Variants in IGSF11 observed in about 807,000 individuals in gnomAD.
IGSF11 encodes immunoglobulin superfamily member 11.
A neutral mutation model predicts 41.0 loss-of-function variants in IGSF11; 22 were observed. That is an observed-to-expected ratio of 0.54 (90% CI 0.38 to 0.77). The LOEUF (loss-of-function observed/expected upper bound fraction) is 0.77, where lower values mean the gene tolerates loss of function less well. Ranked by LOEUF, IGSF11 falls within the 30% of genes least tolerant of loss-of-function variation. The pLI is 0.00. For missense variants in IGSF11, 444 were observed against 530.8 expected (o/e 0.84, Z 1.61); for synonymous variants, 219 against 201.3 (o/e 1.09, Z -0.74).
At chr3:119,048,254 G>C (rs988676529) in intron 1 of IGSF11, among the ~76,000 whole-genome samples, 8 of 151,754 alleles carry the variant, frequency 5.3e-5, no homozygotes, top group Admixed American at 5.3e-4. Context: ...CCGCTAGCAA[G>C]ACAAATAAAG....
chr3:118,983,255 A>G (rs774376990), intron 1 of IGSF11: 1 of 152,204 alleles, frequency 6.6e-6, no homozygotes, highest in African/African-American at 2.4e-5. Flanking sequence ...CCCAAGAGAT[A>G]GGTATTATTA....
At chr3:119,081,883 T>C (rs571322876) in intron 1 of IGSF11, among the ~76,000 whole-genome samples, 1 of 152,272 alleles carries the variant, frequency 6.6e-6, no homozygotes, top group East Asian at 1.9e-4. Flanking sequence ...AAGAAACACT[T>C]CTTGGCCTGT....
intron 1 of IGSF11, among the ~76,000 whole-genome samples, chr3:118,974,725 T>C (rs561377238): frequency 2.0e-5 from 3 of 152,300 alleles, no homozygotes; most frequent in African/African-American, 7.2e-5. Context: ...CTTCTTAGCG[T>C]TGAAAATCTG....
chr3:119,043,350 T>C (rs1162133606), intron 1 of IGSF11, among the ~76,000 whole-genome samples: 1 of 152,166 alleles, frequency 6.6e-6, no homozygotes, highest in Non-Finnish European at 1.5e-5. Flanking sequence ...GTGAGCTCTC[T>C]TTACTACCTG....
chr3:119,003,917 A>T (rs1414677431), intron 1 of IGSF11, among the ~76,000 whole-genome samples: 1 of 148,570 alleles, frequency 6.7e-6, no homozygotes, highest in Non-Finnish European at 1.5e-5. Flanking sequence ...TATTGGTCTA[A>T]TATTCTCTTT....
intron 1 of IGSF11, among the ~76,000 whole-genome samples, chr3:119,019,983 A>G (rs1189328082): frequency 1.3e-5 from 2 of 152,172 alleles, no homozygotes; most frequent in African/African-American, 4.8e-5. Flanking sequence ...ATTATAAAAG[A>G]AGCCCCAGGG....
upstream of IGSF11, among the ~76,000 whole-genome samples, chr3:119,106,198 G>A (rs2077019756): frequency 6.6e-6 from 1 of 152,128 alleles, no homozygotes; most frequent in African/African-American, 2.4e-5. Context: ...TTTATCCTTT[G>A]TGTTTCAAAC....
intron 1 of IGSF11, among the ~76,000 whole-genome samples, chr3:119,059,421 G>A (rs748241056): frequency 2.0e-5 from 3 of 152,062 alleles, no homozygotes; most frequent in Non-Finnish European, 4.4e-5. Context: ...GAAGGGTGGA[G>A]GGTGGTGATT....
chr3:118,992,928 A>C (rs1935923921), intron 1 of IGSF11, among the ~76,000 whole-genome samples: 1 of 152,194 alleles, frequency 6.6e-6, no homozygotes, highest in African/African-American at 2.4e-5. Context: ...CTTAAAATTC[A>C]GCAACAAAAA....
intron 1 of IGSF11, among the ~76,000 whole-genome samples, chr3:118,992,263 A>G (rs1935860903): frequency 6.6e-6 from 1 of 152,242 alleles, no homozygotes; most frequent in Non-Finnish European, 1.5e-5. Flanking sequence ...AAACTCACGT[A>G]GCAGACATAA....
At chr3:118,933,828 C>T (rs944322902) in intron 1 of IGSF11, among the ~76,000 whole-genome samples, 25 of 152,276 alleles carry the variant, frequency 1.6e-4, no homozygotes, top group African/African-American at 6.0e-4. Flanking sequence ...CTTCCTGCTT[C>T]TCAATCTGCG....
At chr3:119,041,615 A>C (rs1489074107) in intron 1 of IGSF11, among the ~76,000 whole-genome samples, 1 of 152,188 alleles carries the variant, frequency 6.6e-6, no homozygotes, top group Non-Finnish European at 1.5e-5. Context: ...ATAAAAAAGG[A>C]GACATTACTA....
chr3:119,047,556 T>A (rs189704697), intron 1 of IGSF11, among the ~76,000 whole-genome samples: 1 of 152,308 alleles, frequency 6.6e-6, no homozygotes, highest in Admixed American at 6.5e-5. Flanking sequence ...TGGGAGAATT[T>A]AACATCACAC....
intron 1 of IGSF11, among the ~76,000 whole-genome samples, chr3:119,135,168 T>C (rs1412215454): frequency 6.6e-6 from 1 of 152,104 alleles, no homozygotes; most frequent in East Asian, 1.9e-4. Context: ...ACTTCATGGC[T>C]AAAACACCAA....
At chr3:119,052,265 A>G (rs1941655010) in intron 1 of IGSF11, among the ~76,000 whole-genome samples, 2 of 152,102 alleles carry the variant, frequency 1.3e-5, no homozygotes, top group Non-Finnish European at 2.9e-5. Context: ...GGATCACTTG[A>G]GGCCAGGAGT....
upstream of IGSF11, chr3:119,034,879 C>T (rs926735662): frequency 7.0e-5 from 81 of 1,156,242 alleles, no homozygotes; most frequent in Non-Finnish European, 8.5e-5. Context: ...GGGAGCCACT[C>T]CCCCCAACTC....
At chr3:119,113,288 C>G (rs981919294) in intron 1 of IGSF11, among the ~76,000 whole-genome samples, 3 of 152,196 alleles carry the variant, frequency 2.0e-5, no homozygotes, top group African/African-American at 7.2e-5. Context: ...CCAGCATTAA[C>G]TCAGAAGTCC....
rs190134382 is a variant in IGSF11, at chr3:119,017,771, T to C, written c.52+16760A>G. The stretch of plus-strand genomic sequence containing the variant: ...AGGCAAGAACTGAGTTTTTTGTTTG[T>C]TTTACTTTTTTTTTTTTTTTTTTTT... On this transcript the variant is annotated intron_variant, in intron 1 of 6. Coordinates refer to ENST00000393775, the MANE Select transcript of IGSF11 (RefSeq NM_001015887.3). Among the ~76,000 whole-genome samples, 17 of 149,278 alleles carry C rather than the reference T, an allele frequency of 1.1e-4. No homozygotes were observed. In the Admixed American group the frequency reaches 1.2e-3, roughly 10 times the overall value.
chr3:119,137,145 T>G (rs1448187116), intron 1 of IGSF11, among the ~76,000 whole-genome samples: 2 of 152,102 alleles, frequency 1.3e-5, no homozygotes, highest in Non-Finnish European at 2.9e-5. Context: ...ATGTCCATAC[T>G]ACCCAAAGCA....
Sources: gnomAD v4.1 joint callset for allele counts (sites outside exome capture counted in the v4.1 genomes callset) on GRCh38, gnomAD v4.1.1 for gene constraint, MANE v1.5 for transcripts, NCBI Gene and HGNC (gene_info 2026-07-23, HGNC 2026-07-21) for gene names.